EEA1: variants seen among roughly 807,000 people sequenced by gnomAD.
The protein encoded by EEA1 is early endosome antigen 1.
Under a neutral mutation model 209.2 loss-of-function variants are expected in EEA1, and 111 were observed. That is an observed-to-expected ratio of 0.53 (90% CI 0.45 to 0.62). The LOEUF is 0.62. EEA1 is among the 20% of genes least tolerant of loss of function. EEA1 has a pLI of 0.00. For synonymous variants in EEA1, 536 were observed against 540.6 expected, an observed-to-expected ratio of 0.99 and a Z score of 0.12; for missense variants, 1,343 against 1,530.8, an observed-to-expected ratio of 0.88 and a Z score of 2.05.
chr12:92,881,284 C>T (rs1393753185), intron 2 of EEA1, among the ~76,000 whole-genome samples: 1 of 152,038 alleles, frequency 6.6e-6, no homozygotes, highest in African/African-American at 2.4e-5. Flanking sequence ...GTGATGTGTG[C>T]CTATGGTCCC....
At chr12:92,815,030 A>G (rs1875712592) in intron 15 of EEA1, among the ~76,000 whole-genome samples, 1 of 152,184 alleles carries the variant, frequency 6.6e-6, no homozygotes, top group Admixed American at 6.5e-5. Context: ...CAGAGTCCTA[A>G]TTCTCAAAAG....
At chr12:92,922,611 G>C (rs1358594459) in intron 1 of EEA1, among the ~76,000 whole-genome samples, 1 of 152,134 alleles carries the variant, frequency 6.6e-6, no homozygotes. Context: ...AAAACCACCA[G>C]GCATCAAGCA....
At chr12:92,808,404 C>T (rs1204014605) in intron 18 of EEA1, among the ~76,000 whole-genome samples, 1 of 152,028 alleles carries the variant, frequency 6.6e-6, no homozygotes, top group African/African-American at 2.4e-5. Context: ...AACAAGAAGG[C>T]ACACTGGTTT....
At chr12:92,816,556 A>G (rs1604955) in intron 14 of EEA1, among the ~76,000 whole-genome samples, 156 bp from the exon 15 acceptor site, 52,762 of 152,192 alleles carry the variant, frequency 0.35, 10,789 homozygotes, top group East Asian at 0.88. Flanking sequence ...ATATGTCAAC[A>G]TAGTATCTCA....
At chr12:92,793,644 A>G (rs372125664) in intron 21 of EEA1, among the ~76,000 whole-genome samples, 81 of 152,352 alleles carry the variant, frequency 5.3e-4, no homozygotes, top group African/African-American at 1.8e-3. Context: ...ACACAAACAA[A>G]TGGAAGAATA....
At chr12:92,823,443 T>C (rs1876154781) in intron 13 of EEA1, among the ~76,000 whole-genome samples, 1 of 152,232 alleles carries the variant, frequency 6.6e-6, no homozygotes, top group African/African-American at 2.4e-5. Context: ...AACTTCTCAC[T>C]ACCACCATCT....
At chr12:92,806,546 A>G (rs1057299607) in intron 18 of EEA1, among the ~76,000 whole-genome samples, 1 of 152,218 alleles carries the variant, frequency 6.6e-6, no homozygotes, top group Non-Finnish European at 1.5e-5. Flanking sequence ...AGTGAATTCC[A>G]TCAAACTTTT....
intron 10 of EEA1, among the ~76,000 whole-genome samples, chr12:92,838,009 C>T (rs555763992): frequency 6.6e-6 from 1 of 152,294 alleles, no homozygotes; most frequent in South Asian, 2.1e-4. Flanking sequence ...TGGGCTTGCA[C>T]TGACTGGTGA....
rs1481214365 is a variant in EEA1, at chr12:92,837,121, AT to A, written c.916-4272del. 2.5e-4 allele frequency among the ~76,000 whole-genome samples: 9 copies of A among 36,352 alleles called. No homozygotes were observed. In the Admixed American group the frequency reaches 2.7e-3, roughly 11 times the overall value. 23.8% of individuals were successfully genotyped at this position (36,352 alleles called of 152,430 possible). A position where few individuals can be genotyped will look rare whatever the true frequency, so the allele number is the denominator to read the frequency against. On this transcript the variant is annotated intron_variant, in intron 10 of 28. Transcript: ENST00000322349. ...ATGTGAAAAAGTGAGACTCTGTCTC[AT>A]TTAAAAAAAAAAAAAAAAAACCAAC...
chr12:92,789,030 C>A (rs568378013), intron 21 of EEA1, among the ~76,000 whole-genome samples: 3 of 152,226 alleles, frequency 2.0e-5, no homozygotes, highest in African/African-American at 7.2e-5. Context: ...GTGGCTCACA[C>A]CTGTAATCCC....
intron 9 of EEA1, among the ~76,000 whole-genome samples, chr12:92,847,860 G>A (rs898292434): frequency 5.9e-5 from 9 of 152,006 alleles, no homozygotes; most frequent in African/African-American, 1.4e-4. Context: ...AAACAAATGC[G>A]ACCACGTTTT....
chr12:92,906,818 T>TA lies in EEA1; in HGVS notation c.25-15098dup, dbSNP rs919567958. On this transcript the variant is annotated intron_variant, in intron 1 of 28. Transcript: ENST00000322349. The stretch of plus-strand genomic sequence containing the variant: ...GACAGAGCTAGACTCTGTCTCAAAA[T>TA]AAAAAAAAAATTAAATAAAATGTAA... Among the ~76,000 whole-genome samples the TA allele has an allele frequency of 3.9e-4, 58 of 149,510 alleles. No homozygotes were observed. The East Asian group carries it at 5.9e-3, about 15-fold the overall frequency.
chr12:92,781,391 C>G (rs1481842160), intron 23 of EEA1, among the ~76,000 whole-genome samples: 1 of 152,140 alleles, frequency 6.6e-6, no homozygotes, highest in African/African-American at 2.4e-5. Flanking sequence ...TGTCAGCTAA[C>G]AGGAATATAT....
At chr12:92,845,489 T>G (rs537975844) in intron 9 of EEA1, among the ~76,000 whole-genome samples, 1 of 152,280 alleles carries the variant, frequency 6.6e-6, no homozygotes, top group East Asian at 1.9e-4. Flanking sequence ...ACTGACCTTC[T>G]TCTCTAATAG....
In EEA1 at chr12:92,787,850, A is replaced by G; in HGVS notation, c.3150+17T>C. On this transcript the variant is annotated intron_variant, in intron 22 of 28. Transcript: ENST00000322349. ...AAAACTTACTGAGACTTTATGGTAC[A>G]GTATAGTTTACTATACCTTAAGATC... 1 of 1,546,496 alleles carries G rather than the reference A, an allele frequency of 6.5e-7. No homozygotes were observed.
intron 1 of EEA1, among the ~76,000 whole-genome samples, chr12:92,921,881 A>G (rs569093112): frequency 4.8e-4 from 70 of 146,242 alleles, no homozygotes; most frequent in Admixed American, 2.8e-3. Flanking sequence ...AAAAAAAAAA[A>G]AAAAAGAAAA....
intron 1 of EEA1, among the ~76,000 whole-genome samples, chr12:92,909,872 G>C (rs1036860432): frequency 3.3e-5 from 5 of 152,162 alleles, no homozygotes; most frequent in Admixed American, 1.3e-4. Flanking sequence ...GTTGGGCACA[G>C]TGGCTCACGC....
At chr12:92,862,793 C>T (rs967971051) in intron 3 of EEA1, among the ~76,000 whole-genome samples, 4 of 152,156 alleles carry the variant, frequency 2.6e-5, no homozygotes, top group South Asian at 2.1e-4. Flanking sequence ...AAATCAGATG[C>T]GGGTAGGAGG....
chr12:92,779,433 T>C, intron 24 of EEA1, 133 bp from the exon 25 acceptor site: 1 of 789,990 alleles, frequency 1.3e-6, no homozygotes, highest in Non-Finnish European at 1.9e-6. Context: ...TAAAGTTCAG[T>C]ATTTTAAAGA....
Sources: gnomAD v4.1 joint callset for allele counts (sites outside exome capture counted in the v4.1 genomes callset) on GRCh38, gnomAD v4.1.1 for gene constraint, MANE v1.5 for transcripts, NCBI Gene and HGNC (gene_info 2026-07-23, HGNC 2026-07-21) for gene names.